The following KLF13 variants were observed in gnomAD, a reference collection of about 807,000 sequenced individuals.
The protein encoded by KLF13 is KLF transcription factor 13, also known as Krueppel-like factor 13.
KLF13 carries 8 observed loss-of-function variants against 16.7 expected under a neutral mutation model. The observed-to-expected ratio is 0.48, with a 90% CI of 0.28 to 0.87. KLF13 has a LOEUF of 0.87. Among genes scored for constraint, KLF13 ranks in the 40% least tolerant of loss-of-function variants. The pLI is 0.10. For missense variants in KLF13, 447 were observed against 452.2 expected, an observed-to-expected ratio of 0.99 and a Z score of 0.10; for synonymous variants, 245 against 208.4, an observed-to-expected ratio of 1.18 and a Z score of -1.51.
chr15:31,337,771 C>T (rs993981144), intron 1 of KLF13, among the ~76,000 whole-genome samples: 1 of 152,190 alleles, frequency 6.6e-6, no homozygotes, highest in African/African-American at 2.4e-5. Context: ...CCTCTCGTCC[C>T]ACGTGGACTG....
chr15:31,358,498 C>T (rs942140218), intron 1 of KLF13, among the ~76,000 whole-genome samples: 4 of 152,214 alleles, frequency 2.6e-5, no homozygotes, highest in Non-Finnish European at 4.4e-5. Context: ...TTCATAATAA[C>T]AAATGACACT....
chr15:31,410,622 CA>C (rs2040182388), intron 1 of KLF13, among the ~76,000 whole-genome samples: 2 of 119,950 alleles, frequency 1.7e-5, no homozygotes, highest in East Asian at 4.8e-4. Flanking sequence ...CACACACACA[CA>C]CACCCCTATA....
chr15:31,327,868 G>T, intron 1 of KLF13, 79 bp downstream of exon 1: 4 of 1,213,306 alleles, frequency 3.3e-6, no homozygotes, highest in Non-Finnish European at 4.1e-6. Context: ...CGGAGTCCCC[G>T]ATGGGGCGCG....
At chr15:31,420,333 C>A (rs2040306203) in intron 1 of KLF13, 2 of 1,026,322 alleles carry the variant, frequency 1.9e-6, no homozygotes, top group South Asian at 2.5e-5. Context: ...ATCCATGGAG[C>A]AGCTGGCACA....
intron 1 of KLF13, among the ~76,000 whole-genome samples, chr15:31,359,197 C>T (rs935791321): frequency 6.6e-6 from 1 of 152,186 alleles, no homozygotes; most frequent in Non-Finnish European, 1.5e-5. Flanking sequence ...AGGGTTGTGA[C>T]TCGGGTGTGC....
At chr15:31,413,105 T>A (rs2040213638) in intron 1 of KLF13, among the ~76,000 whole-genome samples, 1 of 147,566 alleles carries the variant, frequency 6.8e-6, no homozygotes, top group Non-Finnish European at 1.5e-5. Context: ...CATCTGGATG[T>A]GGCCAGAGAC....
intron 1 of KLF13, among the ~76,000 whole-genome samples, chr15:31,331,811 C>G (rs1021165309): frequency 6.6e-6 from 1 of 152,224 alleles, no homozygotes; most frequent in Non-Finnish European, 1.5e-5. Flanking sequence ...TGGTGTTTTT[C>G]TTTACAGACC....
At chr15:31,414,243 T>G (rs973737766) in intron 1 of KLF13, among the ~76,000 whole-genome samples, 4 of 151,780 alleles carry the variant, frequency 2.6e-5, no homozygotes, top group African/African-American at 7.3e-5. Context: ...AAAATCCTAA[T>G]GAAATTAAAA....
exon 1 of KLF13, chr15:31,392,931 C>A: frequency 6.6e-6 from 1 of 152,624 alleles, no homozygotes; most frequent in Non-Finnish European, 1.5e-5. Flanking sequence ...TCCGCTACGC[C>A]TGGAGAGCAT....
At chr15:31,344,294 C>G (rs2039077764) in intron 1 of KLF13, among the ~76,000 whole-genome samples, 1 of 152,234 alleles carries the variant, frequency 6.6e-6, no homozygotes, top group Non-Finnish European at 1.5e-5. Context: ...CTCTTTGTGG[C>G]AGGACTGGAG....
At chr15:31,342,227 G>A (rs1355030567) in intron 1 of KLF13, among the ~76,000 whole-genome samples, 1 of 152,140 alleles carries the variant, frequency 6.6e-6, no homozygotes, top group Non-Finnish European at 1.5e-5. Context: ...ACAGGGACAG[G>A]AGAGATTGTG....
At chr15:31,394,879 T>C (rs2039934012) in intron 2 of KLF13, among the ~76,000 whole-genome samples, 1 of 152,226 alleles carries the variant, frequency 6.6e-6, no homozygotes, top group Non-Finnish European at 1.5e-5. Context: ...ATAAATGTAA[T>C]CAAACAATAT....
intron 1 of KLF13, among the ~76,000 whole-genome samples, chr15:31,425,933 T>C (rs553833085): frequency 6.6e-6 from 1 of 152,332 alleles, no homozygotes; most frequent in South Asian, 2.1e-4. Context: ...TCTTGAATGC[T>C]TTCCTGCTTA....
At chr15:31,358,807 A>C (rs2039339213) in intron 1 of KLF13, among the ~76,000 whole-genome samples, 1 of 152,218 alleles carries the variant, frequency 6.6e-6, no homozygotes, top group African/African-American at 2.4e-5. Flanking sequence ...ACCAGCCATC[A>C]GGGCTGTGTT....
chr15:31,391,685 G>A (rs539159199), upstream of KLF13, among the ~76,000 whole-genome samples: 1,496 of 150,560 alleles, frequency 9.9e-3, 24 homozygotes, highest in African/African-American at 0.035. Context: ...GTGCACTGTT[G>A]GGGGGCTGTG....
chr15:31,362,661 TA>T (rs1286873919), intron 1 of KLF13, among the ~76,000 whole-genome samples: 1 of 152,212 alleles, frequency 6.6e-6, no homozygotes, highest in Admixed American at 6.5e-5. Context: ...TTTTAGAATC[TA>T]AAAGATTTAA....
chr15:31,358,614 G>A (rs1020550818), intron 1 of KLF13, among the ~76,000 whole-genome samples: 1 of 152,178 alleles, frequency 6.6e-6, no homozygotes, highest in Non-Finnish European at 1.5e-5. Flanking sequence ...TGTTGAGATT[G>A]AGTTCTTTAT....
intron 1 of KLF13, among the ~76,000 whole-genome samples, chr15:31,355,895 T>G (rs1454895349): frequency 1.3e-5 from 2 of 151,800 alleles, no homozygotes; most frequent in Non-Finnish European, 2.9e-5. Flanking sequence ...AACATCTCTG[T>G]GGGGGTTGGC....
intron 1 of KLF13, chr15:31,420,368 C>T: frequency 8.8e-7 from 1 of 1,132,076 alleles, no homozygotes; most frequent in East Asian, 2.8e-5. Context: ...GAGGTATAAG[C>T]TCTTGCTAGA....
Sources: gnomAD v4.1 joint callset for allele counts (sites outside exome capture counted in the v4.1 genomes callset) on GRCh38, gnomAD v4.1.1 for gene constraint, MANE v1.5 for transcripts, NCBI Gene and HGNC (gene_info 2026-07-23, HGNC 2026-07-21) for gene names.